Variants in NSD1 observed in about 807,000 individuals in gnomAD.
NSD1 encodes the protein nuclear receptor binding SET domain protein 1.
A neutral mutation model predicts 242.7 loss-of-function variants in NSD1; 26 were observed. The observed-to-expected ratio is 0.11, with a 90% CI of 0.08 to 0.15. The LOEUF (loss-of-function observed/expected upper bound fraction) is 0.15. NSD1 is among the 10% of genes least tolerant of loss of function. NSD1 has a pLI of 1.00. For synonymous variants in NSD1, 1,106 were observed against 1,178.1 expected, an observed-to-expected ratio of 0.94 and a Z score of 1.25; for missense variants, 2,495 against 3,272.8, an observed-to-expected ratio of 0.76 and a Z score of 5.80.
intron 2 of NSD1, among the ~76,000 whole-genome samples, chr5:177,143,983 C>T (rs184949823): frequency 6.6e-6 from 1 of 152,050 alleles, no homozygotes; most frequent in African/African-American, 2.4e-5. Context: ...TGGGGTTCAC[C>T]ACGTTGGCCA....
chr5:177,256,893 GT>G (rs1756513831), intron 12 of NSD1, 57 bp from the exon 13 acceptor site: 1 of 1,446,476 alleles, frequency 6.9e-7, no homozygotes. Context: ...TCACCTAATG[GT>G]TTAGCATTTG....
chr5:177,279,454 C>T (rs553512915), intron 17 of NSD1, among the ~76,000 whole-genome samples: 6 of 151,992 alleles, frequency 3.9e-5, no homozygotes, highest in South Asian at 2.1e-4. Flanking sequence ...GCCAAGATCC[C>T]GCCACTGCAC....
chr5:177,239,941 A>T, intron 8 of NSD1, 76 bp downstream of exon 8: 1 of 877,184 alleles, frequency 1.1e-6, no homozygotes, highest in South Asian at 1.4e-5. Context: ...TTTGAGTAGC[A>T]GTTATAACAT....
At chr5:177,263,091 C>T (rs561684494) in intron 14 of NSD1, among the ~76,000 whole-genome samples, 3 of 152,188 alleles carry the variant, frequency 2.0e-5, no homozygotes, top group Non-Finnish European at 4.4e-5. Flanking sequence ...TCTTATCTCC[C>T]TAAAATATAT....
chr5:177,152,350 T>C (rs1421844664), intron 2 of NSD1, among the ~76,000 whole-genome samples: 3 of 151,552 alleles, frequency 2.0e-5, no homozygotes, highest in African/African-American at 4.8e-5. Context: ...TGTATGTATG[T>C]ATGTATGTAT....
chr5:177,230,670 C>G lies in NSD1; in HGVS notation c.3797-5151C>G, dbSNP rs1291074457. On this transcript the variant is annotated intron_variant, in intron 5 of 22. Transcript: ENST00000439151. ...ATGAAACACTGTCTCTACTAAAAATCCGAAAAATGAGCCAGATGTGGTGGC... is the reference window on the plus strand; with the variant it reads ...ATGAAACACTGTCTCTACTAAAAATGCGAAAAATGAGCCAGATGTGGTGGC... Among the ~76,000 whole-genome samples the G allele has an allele frequency of 2.0e-5, 3 of 151,650 alleles. No homozygotes were observed. In the East Asian group the frequency reaches 5.8e-4, roughly 29 times the overall value.
chr5:177,238,524 G>A lies in NSD1; in HGVS notation c.4192+17G>A, dbSNP rs576511519. The A allele has an allele frequency of 4.5e-5, 73 of 1,610,434 alleles. No individual in the cohort carries two copies. In the South Asian group the frequency reaches 4.8e-4, roughly 11 times the overall value. On this transcript the variant is annotated intron_variant, in intron 7 of 22. Transcript: ENST00000439151. The surrounding 1 kb of genome is among the most constrained non-coding windows in gnomAD (Gnocchi z 4.6). ...AAACGCCAGGTAAGGTGGGGTTGGGGTCTCAGTATTTGAGCAGATATGATT... is the reference window on the plus strand; with the variant it reads ...AAACGCCAGGTAAGGTGGGGTTGGGATCTCAGTATTTGAGCAGATATGATT...
intron 14 of NSD1, chr5:177,266,400 C>T (rs775449470): frequency 1.4e-5 from 9 of 651,822 alleles, no homozygotes; most frequent in East Asian, 6.5e-5. Context: ...TGCTTGTGTC[C>T]GAGCCCACAT....
intron 5 of NSD1, among the ~76,000 whole-genome samples, chr5:177,224,238 G>A (rs943217599): frequency 6.6e-6 from 1 of 152,122 alleles, no homozygotes; most frequent in Non-Finnish European, 1.5e-5. Flanking sequence ...TGCTGAATCT[G>A]TGGGGTAGTT....
intron 2 of NSD1, among the ~76,000 whole-genome samples, chr5:177,167,023 G>A (rs1009206099): frequency 6.6e-6 from 1 of 151,802 alleles, no homozygotes; most frequent in Non-Finnish European, 1.5e-5. Context: ...TGGGATTACA[G>A]GTGTGAGCTA....
intron 5 of NSD1, among the ~76,000 whole-genome samples, chr5:177,231,947 T>TTGAGTG (rs1277566792): frequency 2.6e-5 from 4 of 152,156 alleles, no homozygotes; most frequent in African/African-American, 9.7e-5. Flanking sequence ...TCATTCAGGC[T>TTGAGTG]TGAGTGTGGT....
intron 21 of NSD1, among the ~76,000 whole-genome samples, chr5:177,289,892 A>G (rs368503547): frequency 4.0e-5 from 6 of 151,096 alleles, no homozygotes; most frequent in Non-Finnish European, 7.4e-5. Context: ...CAGTGGCGCA[A>G]TCTCGGCTCA....
intron 4 of NSD1, among the ~76,000 whole-genome samples, chr5:177,208,054 A>G (rs954727674): frequency 6.6e-6 from 1 of 152,094 alleles, no homozygotes; most frequent in East Asian, 1.9e-4. Flanking sequence ...ATGAGCCACC[A>G]TCCCCAGCAA....
At chr5:177,286,098 G>A (rs1396084694) in intron 20 of NSD1, among the ~76,000 whole-genome samples, 1 of 152,010 alleles carries the variant, frequency 6.6e-6, no homozygotes, top group Non-Finnish European at 1.5e-5. Context: ...CTGACCTCAA[G>A]TGATCCGCCT....
Position 177,266,251 on chromosome 5 carries a change from C to T in NSD1, c.5147-1311C>T, listed in dbSNP as rs1437271957. The T allele has an allele frequency of 7.7e-6, 6 of 776,808 alleles. No homozygotes were observed. In the African/African-American group the frequency reaches 8.5e-5, roughly 11 times the overall value. 48.1% of individuals were successfully genotyped at this position (776,808 alleles called of 1,614,324 possible). Reference sequence around the variant, plus strand: ...CCTTTTCCACCGGGAGCTCTATCTCCTCCACCTTCCCCTTGGTGATGGTCA... The same window carrying T: ...CCTTTTCCACCGGGAGCTCTATCTCTTCCACCTTCCCCTTGGTGATGGTCA... On this transcript the variant is annotated intron_variant, in intron 14 of 22. Transcript: ENST00000439151.
In NSD1 at chr5:177,269,549, C is replaced by T; in HGVS notation, c.5304-53C>T. On this transcript the variant is annotated intron_variant, in intron 15 of 22. Transcript: ENST00000439151. This position sits in a 1 kb window ranked among gnomAD's most constrained non-coding sequence, Gnocchi z 5.1. ...ACTTTTATATGAGTAGGTTATTTTC[C>T]TAATGCCTTGCAGCCTTCTAGAGGT... 6.6e-7 allele frequency: 1 copy of T among 1,519,848 alleles called. No homozygotes were observed. The highest frequency in any genetic ancestry group is 9.1e-7 in the Non-Finnish European group (1 of 1,096,044). The allele number at this position is 1,519,848 out of a possible 1,614,324, so 94.1% of individuals were successfully genotyped here. A position where few individuals can be genotyped will look rare whatever the true frequency, so the allele number is the denominator to read the frequency against.
intron 12 of NSD1, among the ~76,000 whole-genome samples, chr5:177,255,573 TG>T (rs1335826105): frequency 6.6e-6 from 1 of 152,046 alleles, no homozygotes; most frequent in Non-Finnish European, 1.5e-5. Flanking sequence ...TGTTTTGTTT[TG>T]TTTTTTTGTT....
intron 3 of NSD1, 118 bp downstream of exon 3, chr5:177,192,137 T>TA: frequency 1.1e-6 from 1 of 875,546 alleles, no homozygotes; most frequent in Non-Finnish European, 1.7e-6. Flanking sequence ...GAATTGGTGT[T>TA]ACATATTTTA....
chr5:177,135,357 A>C lies in NSD1; in HGVS notation c.254A>C (p.Glu85Ala). ...LQDLASMINV[E>A]YLNGSADGSE... ...GATTTGGCCTCCATGATCAATGTAG[A>C]GTATTTAAATGGGTCTGCTGATGGA... Residue 85 changes from glutamate (E) to alanine (A), a missense_variant, in exon 2 of 23, where the codon GAG (glutamate) becomes GCG (alanine). Glu to Ala is a moderately radical substitution (Grantham distance 107, BLOSUM62 -1). This residue lies in a region of NSD1 where 376 missense variants were observed against 367.4 expected (regional missense o/e 1.02). Coordinates refer to ENST00000439151, the MANE Select transcript of NSD1 (RefSeq NM_022455.5). 1 of 1,612,504 alleles carries C rather than the reference A, an allele frequency of 6.2e-7. No individual in the cohort carries two copies. The highest frequency in any genetic ancestry group is 8.5e-7 in the Non-Finnish European group (1 of 1,178,522).
Sources: gnomAD v4.1 joint callset for allele counts (sites outside exome capture counted in the v4.1 genomes callset) on GRCh38, gnomAD v4.1.1 for gene constraint, gnomAD v4.1.1 regional missense constraint, Gnocchi (gnomAD v3.1) non-coding constraint, MANE v1.5 for transcripts, NCBI Gene and HGNC (gene_info 2026-07-23, HGNC 2026-07-21) for gene names.